Variants in ETV6 observed in about 807,000 individuals in gnomAD.
ETV6 encodes the protein ETS variant transcription factor 6.
ETV6 carries 16 observed loss-of-function variants against 51.1 expected under a neutral mutation model. That is an observed-to-expected ratio of 0.31 (90% CI 0.21 to 0.48). The LOEUF (loss-of-function observed/expected upper bound fraction) is 0.48, where lower values mean the gene tolerates loss of function less well. Among genes scored for constraint, ETV6 ranks in the 20% least tolerant of loss-of-function variants. The pLI is 0.99. For synonymous variants in ETV6, 240 were observed against 224.1 expected, an observed-to-expected ratio of 1.07 and a Z score of -0.64; for missense variants, 458 against 594.8, an observed-to-expected ratio of 0.77 and a Z score of 2.39.
chr12:11,859,649 T>C (rs1005511932), intron 4 of ETV6, among the ~76,000 whole-genome samples: 2 of 152,164 alleles, frequency 1.3e-5, no homozygotes, highest in African/African-American at 4.8e-5. Context: ...GTAGCAACGC[T>C]GAGATTTAAA....
chr12:11,676,365 G>T (rs1035461420), intron 1 of ETV6, among the ~76,000 whole-genome samples: 8 of 152,054 alleles, frequency 5.3e-5, no homozygotes, highest in Non-Finnish European at 1.0e-4. Context: ...ACCATTCCTT[G>T]CCCTGACAAA....
rs1240792900 is a variant in ETV6 at position 11,859,138 on chromosome 12, T to C, written c.463+5577T>C. Among the ~76,000 whole-genome samples, 18 of 99,924 alleles carry C rather than the reference T, an allele frequency of 1.8e-4. 2 individuals carry two copies. Among genetic ancestry groups the C allele is most frequent in the African/African-American group, 6.5e-4 (14 of 21,526 alleles). 65.6% of individuals were successfully genotyped at this position (99,924 alleles called of 152,430 possible). A position where few individuals can be genotyped will look rare whatever the true frequency, so the allele number is the denominator to read the frequency against. ...AATCTGGTTTTTTTTTTTTTTTTTT[T>C]TTTTTTTTTTTTTTTTTTTTTGAGA... On this transcript the variant is annotated intron_variant, in intron 4 of 7. Transcript: ENST00000396373.
intron 4 of ETV6, among the ~76,000 whole-genome samples, chr12:11,868,028 G>C (rs1341638521): frequency 6.6e-6 from 1 of 152,184 alleles, no homozygotes; most frequent in African/African-American, 2.4e-5. Context: ...CATGTCACCA[G>C]CTTGCAACTT....
rs72550774 is a variant in ETV6 at position 11,893,105 on chromosome 12, C to T, written c.*2059C>T. The T allele has an allele frequency of 6.9e-4, 160 of 232,792 alleles. No homozygotes were observed. Among genetic ancestry groups the T allele is most frequent in the African/African-American group, 3.1e-3 (140 of 45,418 alleles). 14.4% of individuals were successfully genotyped at this position (232,792 alleles called of 1,614,324 possible). On this transcript the variant is annotated 3_prime_UTR_variant, in exon 8 of 8. Transcript: ENST00000396373. The stretch of plus-strand genomic sequence containing the variant: ...GCACGCTGCAGGTGTCTTTTGAGAG[C>T]ATTCAGTAGGACATGGTGATCCCTA...
chr12:11,653,821 AT>A (rs199763214), intron 1 of ETV6, among the ~76,000 whole-genome samples: 2 of 151,360 alleles, frequency 1.3e-5, no homozygotes, highest in East Asian at 1.9e-4. Context: ...ATGTTTTATA[AT>A]TTTTTTTTGG....
At chr12:11,652,427 T>C (rs550422797) in intron 1 of ETV6, among the ~76,000 whole-genome samples, 7 of 152,234 alleles carry the variant, frequency 4.6e-5, no homozygotes, top group Non-Finnish European at 1.0e-4. Context: ...TAATAAAAAA[T>C]GTTTGCTGGT....
intron 2 of ETV6, among the ~76,000 whole-genome samples, chr12:11,771,075 A>T (rs1228622192): frequency 6.6e-6 from 1 of 152,074 alleles, no homozygotes; most frequent in Admixed American, 6.5e-5. Flanking sequence ...ATATATAGGA[A>T]CTCCAGTGTC....
intron 2 of ETV6, among the ~76,000 whole-genome samples, chr12:11,771,253 G>A (rs3782141): frequency 0.048 from 7,366 of 152,282 alleles, 232 homozygotes; most frequent in South Asian, 0.13. Flanking sequence ...CTGTAATTTT[G>A]TTTCTTTGGT....
intron 5 of ETV6, among the ~76,000 whole-genome samples, chr12:11,870,373 T>G (rs1012013196): frequency 6.6e-6 from 1 of 152,050 alleles, no homozygotes; most frequent in African/African-American, 2.4e-5. Context: ...TGTAATTCCA[T>G]CCTGTGAGCG....
Position 11,769,143 on chromosome 12 carries a change from A to G in ETV6, c.163+16564A>G, listed in dbSNP as rs2856326. ...GGAGGTAAATATCTAAAACTTACAT[A>G]GCTCTTCACAGAACATACATCTGTT... On this transcript the variant is annotated intron_variant, in intron 2 of 7. Transcript: ENST00000396373. 8.1e-3 allele frequency among the ~76,000 whole-genome samples: 1,240 copies of G among 152,308 alleles called. 11 individuals carry two copies. Among genetic ancestry groups the G allele is most frequent in the African/African-American group, 0.028 (1,170 of 41,562 alleles).
chr12:11,877,906 C>T (rs935393428), intron 5 of ETV6, among the ~76,000 whole-genome samples: 1 of 152,208 alleles, frequency 6.6e-6, no homozygotes, highest in African/African-American at 2.4e-5. Flanking sequence ...ACTGTCCCCC[C>T]CTGCCTCACT....
chr12:11,802,434 A>C (rs1363793922), intron 2 of ETV6, among the ~76,000 whole-genome samples: 2 of 152,230 alleles, frequency 1.3e-5, no homozygotes, highest in Non-Finnish European at 2.9e-5. Flanking sequence ...CTGGTTCTTC[A>C]TACATCATTT....
intron 3 of ETV6, 56 bp downstream of exon 3, chr12:11,839,360 T>C (rs1382417480): frequency 6.4e-7 from 1 of 1,558,808 alleles, no homozygotes; most frequent in African/African-American, 1.4e-5. Context: ...TAGTTAGTGG[T>C]TGGTCTTTAA....
chr12:11,853,666 T>G, intron 4 of ETV6, 105 bp downstream of exon 4: 1 of 1,314,482 alleles, frequency 7.6e-7, no homozygotes, highest in African/African-American at 1.5e-5. Context: ...TCACTTTTCA[T>G]TCAGTAGACA....
intron 1 of ETV6, among the ~76,000 whole-genome samples, chr12:11,692,295 C>T (rs1450211832): frequency 6.6e-6 from 1 of 152,146 alleles, no homozygotes; most frequent in Non-Finnish European, 1.5e-5. Flanking sequence ...TGCTGAGTCC[C>T]TCCTAGCGTG....
At chr12:11,871,274 C>A (rs1255839219) in intron 5 of ETV6, among the ~76,000 whole-genome samples, 1 of 151,286 alleles carries the variant, frequency 6.6e-6, no homozygotes, top group East Asian at 1.9e-4. Flanking sequence ...CTGCAAGCTC[C>A]GCCTCCCGGG....
At position 11,735,086 on chromosome 12, in the gene ETV6, C is replaced by CTTTTTTTT. The variant is rs58797937; in HGVS notation, c.34-17345_34-17338dup. ...AAAGGTGCAAAGGTGGCAAGGTGGC[C>CTTTTTTTT]TTTTTTTTTTTTTTTTTTTTTTTTT... On this transcript the variant is annotated intron_variant, in intron 1 of 7. Coordinates refer to ENST00000396373, the MANE Select transcript of ETV6 (RefSeq NM_001987.5). Among the ~76,000 whole-genome samples, 4 of 76,230 alleles carry CTTTTTTTT rather than the reference C, an allele frequency of 5.2e-5. 1 individual carries two copies. Among genetic ancestry groups the CTTTTTTTT allele is most frequent in the African/African-American group, 2.3e-4 (4 of 17,732 alleles). 50.0% of individuals were successfully genotyped at this position (76,230 alleles called of 152,430 possible).
At chr12:11,694,965 AG>A (rs1455301985) in intron 1 of ETV6, among the ~76,000 whole-genome samples, 1 of 152,204 alleles carries the variant, frequency 6.6e-6, no homozygotes, top group Non-Finnish European at 1.5e-5. Context: ...GGTCATGTAA[AG>A]ATGGTGTATG....
intron 1 of ETV6, chr12:11,750,708 A>G (rs544862539): frequency 3.2e-4 from 121 of 375,338 alleles, no homozygotes; most frequent in Non-Finnish European, 5.0e-4. Context: ...GTTAAATTCT[A>G]AAAACAGACT....
Sources: allele counts gnomAD v4.1 joint callset (sites outside exome capture counted in the v4.1 genomes callset), GRCh38; gene constraint gnomAD v4.1.1; transcripts MANE v1.5; gene names NCBI Gene and HGNC (gene_info 2026-07-23, HGNC 2026-07-21).